ADIRF: variants seen among roughly 807,000 people sequenced by gnomAD.
ADIRF encodes adipogenesis factor rich in obesity.
Under a neutral mutation model 7.8 loss-of-function variants are expected in ADIRF, and 9 were observed. That is an observed-to-expected ratio of 1.15 (90% CI 0.70 to 2.01). The LOEUF (loss-of-function observed/expected upper bound fraction) is 2.01, where lower values mean the gene tolerates loss of function less well. ADIRF is among the 30% of genes most tolerant of loss of function. The pLI is 0.00. For missense variants in ADIRF, 106 were observed against 98.1 expected (o/e 1.08, Z -0.34); for synonymous variants, 48 against 39.9 (o/e 1.20, Z -0.77).
Position 86,970,895 on chromosome 10 carries a change from G to C in ADIRF, c.*313G>C, listed in dbSNP as rs1237745806. 2 of 456,370 alleles carry C rather than the reference G, an allele frequency of 4.4e-6. No homozygotes were observed. The highest frequency in any genetic ancestry group is 3.3e-5 in the South Asian group (2 of 61,354). The allele number at this position is 456,370 out of a possible 1,614,324, so 28.3% of individuals were successfully genotyped here. ...ACGCGCCTCCCGAAGCTCCCAGACC[G>C]GAGGCTCAGCCCCCATCTCGGTTAG... is the stretch of plus-strand genomic sequence containing the variant. On this transcript the variant is annotated 3_prime_UTR_variant, in exon 3 of 3. Transcript: ENST00000372013.
At chr10:86,970,052 C>T in intron 1 of ADIRF, 148 bp from the exon 2 acceptor site, 1 of 703,524 alleles carries the variant, frequency 1.4e-6, no homozygotes, top group Non-Finnish European at 2.0e-6. Flanking sequence ...GCTGGGGGGC[C>T]CTGGGCCAGG....
rs201187335 is a variant in ADIRF at position 86,970,211 on chromosome 10, G to T, written c.73G>T (p.Gly25Ter). 2 of 1,454,514 alleles carry T rather than the reference G, an allele frequency of 1.4e-6. No individual in the cohort carries two copies. The highest frequency in any genetic ancestry group is 9.1e-7 in the Non-Finnish European group (1 of 1,100,464). The allele number at this position is 1,454,514 out of a possible 1,614,324, so 90.1% of individuals were successfully genotyped here. ...TCTCTCTGTTCCAGTGTCAGCGGCC[G>T]GAGCGGCAGCTCAGCAAGTGGTGGA... is the stretch of plus-strand genomic sequence containing the variant. ...GTAQEAVSAA[G>*]AAAQQVVDQA... The change falls in exon 2 of 3, where the codon GGA becomes TGA. Residue 25 changes from glycine to a stop codon, truncating the protein, a stop_gained. Transcript: ENST00000372013. LOFTEE classifies it high-confidence loss of function.
In ADIRF at chr10:86,970,600, TC is replaced by T; in HGVS notation, c.*19del. The stretch of plus-strand genomic sequence containing the variant: ...TGAAATGACAGCAGGGAGACTTGGG[TC>T]GGCCTCCTGAAATGACAGCAGGGAG... On this transcript the variant is annotated 3_prime_UTR_variant, in exon 3 of 3. Coordinates refer to ENST00000372013, the MANE Select transcript of ADIRF (RefSeq NM_006829.3). 1.3e-6 allele frequency: 2 copies of T among 1,589,018 alleles called. No homozygotes were observed. Among genetic ancestry groups the T allele is most frequent in the Non-Finnish European group, 1.7e-6 (2 of 1,163,190 alleles).
In ADIRF at chr10:86,970,845, T is replaced by C; in HGVS notation, c.*263T>C. On this transcript the variant is annotated 3_prime_UTR_variant, in exon 3 of 3. Transcript: ENST00000372013. ...CAAATTCGGAAATCCAATCCAACGG[T>C]CTCAGGAATGTTTTCCATCCCGCCA... The C allele has an allele frequency of 1.8e-6, 1 of 547,504 alleles. No individual in the cohort carries two copies. Among genetic ancestry groups the C allele is most frequent in the Admixed American group, 2.2e-5 (1 of 45,234 alleles). The allele number at this position is 547,504 out of a possible 1,614,324, so 33.9% of individuals were successfully genotyped here.
chr10:86,970,374 T>C (rs921958034), intron 2 of ADIRF, 102 bp from the exon 3 acceptor site: 33 of 1,505,820 alleles, frequency 2.2e-5, no homozygotes, highest in Non-Finnish European at 2.9e-5. Context: ...CTGTCCACAA[T>C]GCCCCAAGCA....
Position 86,968,854 on chromosome 10 carries a change from C to T in ADIRF, c.61+249C>T, listed in dbSNP as rs1016848763. 7 of 481,744 alleles carry T rather than the reference C, an allele frequency of 1.5e-5. No homozygotes were observed. In the African/African-American group the frequency reaches 1.5e-4, roughly 10 times the overall value. 29.8% of individuals were successfully genotyped at this position (481,744 alleles called of 1,614,324 possible). On this transcript the variant is annotated intron_variant, in intron 1 of 2. Coordinates refer to ENST00000372013, the MANE Select transcript of ADIRF (RefSeq NM_006829.3). ...CTGCGCTGCGGGCACTGCGGGAGCC[C>T]CTCCAAGGAGGCCATGCTGGCGCTG... is the stretch of plus-strand genomic sequence containing the variant.
intron 2 of ADIRF, 32 bp downstream of exon 2, chr10:86,970,294 C>T: frequency 6.7e-7 from 1 of 1,490,192 alleles, no homozygotes; most frequent in Non-Finnish European, 9.0e-7. Context: ...GCGGGCAACC[C>T]CAGCACACCT....
chr10:86,968,490 C>G lies in ADIRF; in HGVS notation c.-55C>G, dbSNP rs1051645219. ...TGGCGCTTGGCATCGCCACTCTGGG[C>G]AGGATCCAACGTCGCTCCAGCTGCT... On this transcript the variant is annotated 5_prime_UTR_variant, in exon 1 of 3. Transcript: ENST00000372013. 6.2e-7 allele frequency: 1 copy of G among 1,604,444 alleles called. No homozygotes were observed. Among genetic ancestry groups the G allele is most frequent in the Non-Finnish European group, 8.5e-7 (1 of 1,173,492 alleles).
In ADIRF at chr10:86,968,505, C is replaced by T. The variant is rs199705865; in HGVS notation, c.-40C>T. The T allele has an allele frequency of 1.9e-6, 3 of 1,611,822 alleles. No homozygotes were observed. The Admixed American group carries it at 5.0e-5, about 27-fold the overall frequency. On this transcript the variant is annotated 5_prime_UTR_variant, in exon 1 of 3. Coordinates refer to ENST00000372013, the MANE Select transcript of ADIRF (RefSeq NM_006829.3). ...CCACTCTGGGCAGGATCCAACGTCG[C>T]TCCAGCTGCTCTTGACGACTCCACA...
chr10:86,968,801 C>T (rs987226541), intron 1 of ADIRF, 196 bp downstream of exon 1: 2 of 584,814 alleles, frequency 3.4e-6, no homozygotes, highest in African/African-American at 2.0e-5. Flanking sequence ...AGGGAGGCAG[C>T]GGAACAGAGG....
In ADIRF at chr10:86,968,763, C is replaced by T; in HGVS notation, c.61+158C>T. 4 of 752,476 alleles carry T rather than the reference C, an allele frequency of 5.3e-6. No homozygotes were observed. The African/African-American group carries it at 5.5e-5, about 10-fold the overall frequency. 46.6% of individuals were successfully genotyped at this position (752,476 alleles called of 1,614,324 possible). A position where few individuals can be genotyped will look rare whatever the true frequency, so the allele number is the denominator to read the frequency against. On this transcript the variant is annotated intron_variant, in intron 1 of 2. Coordinates refer to ENST00000372013, the MANE Select transcript of ADIRF (RefSeq NM_006829.3). ...ACGCAGGGGGCAGGCAGAACGCCCACCCCGGCGAGCAGACAGATGGTGCCC... is the reference window on the plus strand; with the variant it reads ...ACGCAGGGGGCAGGCAGAACGCCCATCCCGGCGAGCAGACAGATGGTGCCC...
In ADIRF at chr10:86,970,673, T is replaced by G; in HGVS notation, c.*91T>G. 6 of 1,110,014 alleles carry G rather than the reference T, an allele frequency of 5.4e-6. No individual in the cohort carries two copies. Among genetic ancestry groups the G allele is most frequent in the Non-Finnish European group, 8.1e-6 (6 of 744,534 alleles). The allele number at this position is 1,110,014 out of a possible 1,614,324, so 68.8% of individuals were successfully genotyped here. A position where few individuals can be genotyped will look rare whatever the true frequency, so the allele number is the denominator to read the frequency against. ...GGCGCCATCTAGCACAGCCTGGCCC[T>G]GATCTCCGGGCAGCCACCACCTCCT... On this transcript the variant is annotated 3_prime_UTR_variant, in exon 3 of 3. Transcript: ENST00000372013.
chr10:86,970,019 T>C (rs1196860393), intron 1 of ADIRF, 181 bp from the exon 2 acceptor site: 2 of 447,908 alleles, frequency 4.5e-6, no homozygotes, highest in Admixed American at 8.0e-5. Context: ...CCCAGAGGCA[T>C]GGAAAGGTCT....
chr10:86,970,210 C>G lies in ADIRF; in HGVS notation c.72C>G (p.Ala24=). ...ATCTCTCTGTTCCAGTGTCAGCGGCCGGAGCGGCAGCTCAGCAAGTGGTGG... is the reference window on the plus strand; with the variant it reads ...ATCTCTCTGTTCCAGTGTCAGCGGCGGGAGCGGCAGCTCAGCAAGTGGTGG... ...EGTAQEAVSA[A]GAAAQQVVDQ... The change falls in exon 2 of 3, where the codon GCC becomes GCG. Residue 24 remains alanine (A), a synonymous_variant. Coordinates refer to ENST00000372013, the MANE Select transcript of ADIRF (RefSeq NM_006829.3). 6.9e-7 allele frequency: 1 copy of G among 1,455,052 alleles called. No individual in the cohort carries two copies. The allele number at this position is 1,455,052 out of a possible 1,614,324, so 90.1% of individuals were successfully genotyped here. A position where few individuals can be genotyped will look rare whatever the true frequency, so the allele number is the denominator to read the frequency against.
rs1564741735 is a variant in ADIRF at position 86,970,251 on chromosome 10, C to CG, written c.117dup (p.Gln40AlafsTer20). The CG allele has an allele frequency of 6.8e-7, 1 of 1,460,854 alleles. No individual in the cohort carries two copies. The highest frequency in any genetic ancestry group is 2.7e-5 in the Admixed American group (1 of 36,510). 90.5% of individuals were successfully genotyped at this position (1,460,854 alleles called of 1,614,324 possible). On this transcript the variant is annotated frameshift_variant, in exon 2 of 3. Transcript: ENST00000372013. LOFTEE classifies it high-confidence loss of function. ...CAAGTGGTGGACCAGGCCACAGAGGCGGGGCAGAAAGGTCTGGTGGGGCTG... is the reference window on the plus strand; with the variant it reads ...CAAGTGGTGGACCAGGCCACAGAGGCGGGGGCAGAAAGGTCTGGTGGGGCTG...
chr10:86,970,626 G>A lies in ADIRF; in HGVS notation c.*44G>A, dbSNP rs1844579435. ...CGGCCTCCTGAAATGACAGCAGGGA[G>A]ACTTGGGTGACCCCCCTTCCAGGCG... On this transcript the variant is annotated 3_prime_UTR_variant, in exon 3 of 3. Transcript: ENST00000372013. 6.7e-7 allele frequency: 1 copy of A among 1,498,916 alleles called. No individual in the cohort carries two copies. Among genetic ancestry groups the A allele is most frequent in the African/African-American group, 1.4e-5 (1 of 72,982 alleles). The allele number at this position is 1,498,916 out of a possible 1,614,324, so 92.9% of individuals were successfully genotyped here.
chr10:86,968,615 G>C lies in ADIRF; in HGVS notation c.61+10G>C. On this transcript the variant is annotated intron_variant, in intron 1 of 2. Coordinates refer to ENST00000372013, the MANE Select transcript of ADIRF (RefSeq NM_006829.3). Reference sequence around the variant, plus strand: ...ACCGCCCAGGAAGCCGGTGAGGATAGCGCGCGACCTAGGGCTCAGGCAGGG... The same window carrying C: ...ACCGCCCAGGAAGCCGGTGAGGATACCGCGCGACCTAGGGCTCAGGCAGGG... The C allele has an allele frequency of 6.2e-7, 1 of 1,612,714 alleles. No homozygotes were observed. The highest frequency in any genetic ancestry group is 8.5e-7 in the Non-Finnish European group (1 of 1,179,594).
In ADIRF at chr10:86,970,272, G is replaced by C; in HGVS notation, c.124+10G>C. 1 of 1,471,858 alleles carries C rather than the reference G, an allele frequency of 6.8e-7. No individual in the cohort carries two copies. The highest frequency in any genetic ancestry group is 1.4e-5 in the African/African-American group (1 of 70,848). 91.2% of individuals were successfully genotyped at this position (1,471,858 alleles called of 1,614,324 possible). ...GAGGCGGGGCAGAAAGGTCTGGTGGGGCTGGAGGGAGGCGGGCAACCCCAG... is the reference window on the plus strand; with the variant it reads ...GAGGCGGGGCAGAAAGGTCTGGTGGCGCTGGAGGGAGGCGGGCAACCCCAG... On this transcript the variant is annotated intron_variant, in intron 2 of 2. Coordinates refer to ENST00000372013, the MANE Select transcript of ADIRF (RefSeq NM_006829.3).
At chr10:86,970,004 A>T (rs1844551487) in intron 1 of ADIRF, 196 bp from the exon 2 acceptor site, 1 of 411,462 alleles carries the variant, frequency 2.4e-6, no homozygotes, top group South Asian at 1.2e-4. Context: ...AATAAACAAA[A>T]ACATCCCAGA....
Sources: allele counts gnomAD v4.1 joint callset, GRCh38; gene constraint gnomAD v4.1.1; transcripts MANE v1.5; gene names NCBI Gene and HGNC (gene_info 2026-07-23, HGNC 2026-07-21).